PLSCR2: variants seen among roughly 807,000 people sequenced by gnomAD.
PLSCR2 encodes phospholipid scramblase 2, also known as PL scramblase 2.
Under a neutral mutation model 25.3 loss-of-function variants are expected in PLSCR2, and 18 were observed. The observed-to-expected ratio is 0.71, with a 90% CI of 0.49 to 1.06. PLSCR2 has a LOEUF of 1.06. Among genes scored for constraint, PLSCR2 ranks in the 50% least tolerant of loss-of-function variants. PLSCR2 has a pLI of 0.00. For synonymous variants in PLSCR2, 88 were observed against 87.3 expected, an observed-to-expected ratio of 1.01 and a Z score of -0.04; for missense variants, 243 against 269.5, an observed-to-expected ratio of 0.90 and a Z score of 0.69.
chr3:146,455,628 A>G (rs2041173793), intron 3 of PLSCR2, among the ~76,000 whole-genome samples, 169 bp from the exon 4 acceptor site: 1 of 152,178 alleles, frequency 6.6e-6, no homozygotes, highest in Non-Finnish European at 1.5e-5. Flanking sequence ...AAAAAGAGGA[A>G]GTTAGGCTAT....
chr3:146,467,921 CA>C (rs1490753513), intron 1 of PLSCR2, among the ~76,000 whole-genome samples: 3 of 151,964 alleles, frequency 2.0e-5, no homozygotes, highest in African/African-American at 7.3e-5. Context: ...ATTACAGAGC[CA>C]AAGATGGACA....
intron 6 of PLSCR2, among the ~76,000 whole-genome samples, chr3:146,446,526 C>T (rs2040563293): frequency 6.6e-6 from 1 of 152,150 alleles, no homozygotes; most frequent in African/African-American, 2.4e-5. Flanking sequence ...CGTCTCTGTG[C>T]TGAGCTGCCT....
chr3:146,495,747 C>A, intron 1 of PLSCR2: 1 of 587,566 alleles, frequency 1.7e-6, no homozygotes, highest in Non-Finnish European at 3.0e-6. Flanking sequence ...GCAGTTCACA[C>A]TGTTTAAGAT....
At chr3:146,424,523 G>T (rs2039269522) in intron 2 of PLSCR2, among the ~76,000 whole-genome samples, 1 of 152,140 alleles carries the variant, frequency 6.6e-6, no homozygotes, top group Admixed American at 6.6e-5. Context: ...CATGAAGTTT[G>T]TGGTAGATGG....
chr3:146,447,964 C>CATA (rs1339202917), intron 6 of PLSCR2, among the ~76,000 whole-genome samples: 1 of 152,166 alleles, frequency 6.6e-6, no homozygotes, highest in Non-Finnish European at 1.5e-5. Context: ...GACAGGGAAG[C>CATA]ACAGAGTTCC....
intron 2 of PLSCR2, among the ~76,000 whole-genome samples, chr3:146,409,063 C>T (rs184674037): frequency 1.5e-4 from 23 of 152,172 alleles, no homozygotes; most frequent in African/African-American, 3.1e-4. Flanking sequence ...GTCCGGAGTA[C>T]GGACTCCATC....
chr3:146,472,187 C>T (rs188466248), intron 1 of PLSCR2, among the ~76,000 whole-genome samples: 4 of 152,316 alleles, frequency 2.6e-5, no homozygotes, highest in African/African-American at 9.6e-5. Context: ...TTCTGGTTCA[C>T]AGCCAATTTT....
chr3:146,477,436 C>T (rs1328995357), intron 1 of PLSCR2, among the ~76,000 whole-genome samples: 2 of 152,340 alleles, frequency 1.3e-5, no homozygotes, highest in East Asian at 1.9e-4. Context: ...AATTCTCTCC[C>T]GTGCCTGGCT....
chr3:146,483,573 C>T (rs1286132758), intron 1 of PLSCR2, among the ~76,000 whole-genome samples: 1 of 146,880 alleles, frequency 6.8e-6, no homozygotes, highest in Non-Finnish European at 1.5e-5. Context: ...AAGGAGCAGG[C>T]ACCCATCTTT....
chr3:146,489,674 C>CA (rs774963808), intron 1 of PLSCR2, among the ~76,000 whole-genome samples: 12 of 152,040 alleles, frequency 7.9e-5, no homozygotes, highest in African/African-American at 1.4e-4. Context: ...GTTATTGTTC[C>CA]AGAAACTATA....
intron 2 of PLSCR2, among the ~76,000 whole-genome samples, chr3:146,413,903 CTT>C (rs1218530569): frequency 1.3e-5 from 2 of 152,152 alleles, no homozygotes; most frequent in Non-Finnish European, 2.9e-5. Flanking sequence ...AATTTTCTGT[CTT>C]AGTCTGTTTG....
chr3:146,491,795 T>G (rs947901705), intron 1 of PLSCR2, among the ~76,000 whole-genome samples: 1 of 152,210 alleles, frequency 6.6e-6, no homozygotes, highest in Non-Finnish European at 1.5e-5. Flanking sequence ...CTTCTGTATC[T>G]TTGAGGTTCC....
chr3:146,469,365 G>C (rs924598063), intron 1 of PLSCR2, 130 bp downstream of exon 1: 1 of 960,300 alleles, frequency 1.0e-6, no homozygotes, highest in African/African-American at 1.8e-5. Context: ...TTCAGGTGTC[G>C]CTTCCCGCGG....
chr3:146,469,786 C>T (rs1258453805), intron 1 of PLSCR2, among the ~76,000 whole-genome samples: 3 of 115,898 alleles, frequency 2.6e-5, no homozygotes, highest in African/African-American at 9.6e-5. Context: ...ACCCACCCCC[C>T]CACGCCGTGT....
downstream of PLSCR2, among the ~76,000 whole-genome samples, chr3:146,429,136 G>T (rs898300408): frequency 1.3e-5 from 2 of 152,182 alleles, no homozygotes; most frequent in Non-Finnish European, 2.9e-5. Context: ...TCATGGTTCT[G>T]CAGGCTGCAC....
chr3:146,427,283 T>G (rs969584246), intron 2 of PLSCR2, among the ~76,000 whole-genome samples: 1 of 152,104 alleles, frequency 6.6e-6, no homozygotes, highest in African/African-American at 2.4e-5. Flanking sequence ...TAGAGAACAA[T>G]CAGTCAAGCC....
chr3:146,432,099 T>A (rs543945044), downstream of PLSCR2, among the ~76,000 whole-genome samples: 1 of 152,308 alleles, frequency 6.6e-6, no homozygotes, highest in African/African-American at 2.4e-5. Context: ...GAAAATAAAT[T>A]GAAACTGTGT....
At chr3:146,465,841 A>C (rs914265314) in intron 1 of PLSCR2, among the ~76,000 whole-genome samples, 1 of 152,230 alleles carries the variant, frequency 6.6e-6, no homozygotes, top group Non-Finnish European at 1.5e-5. Flanking sequence ...ATGATATGTA[A>C]ATTTTATGCA....
chr3:146,482,369 A>G (rs1373544301), intron 1 of PLSCR2, among the ~76,000 whole-genome samples: 1 of 152,214 alleles, frequency 6.6e-6, no homozygotes, highest in African/African-American at 2.4e-5. Context: ...GAACTTAAAC[A>G]AATTTACAAG....
Sources: gnomAD v4.1 joint callset for allele counts (sites outside exome capture counted in the v4.1 genomes callset) on GRCh38, gnomAD v4.1.1 for gene constraint, MANE v1.5 for transcripts, NCBI Gene and HGNC (gene_info 2026-07-23, HGNC 2026-07-21) for gene names.